Variants in ATG14 observed in about 807,000 individuals in gnomAD.
ATG14 encodes the protein beclin 1-associated autophagy-related key regulator.
ATG14 carries 35 observed loss-of-function variants against 60.4 expected under a neutral mutation model. That is an observed-to-expected ratio of 0.58 (90% confidence interval 0.44 to 0.77). The LOEUF (loss-of-function observed/expected upper bound fraction) is 0.77. ATG14 is among the 30% of genes least tolerant of loss of function. The pLI, the probability that ATG14 is intolerant of heterozygous loss-of-function variation, is 0.00. For missense variants in ATG14, 647 were observed against 626.3 expected (o/e 1.03, Z -0.35); for synonymous variants, 234 against 228.8 (o/e 1.02, Z -0.21).
intron 5 of ATG14, among the ~76,000 whole-genome samples, chr14:55,385,455 G>A (rs1012528296): frequency 1.3e-5 from 2 of 152,188 alleles, no homozygotes; most frequent in African/African-American, 4.8e-5. Context: ...ACCACGCCTG[G>A]CTAATTTTTG....
At chr14:55,372,134 A>AT (rs1566576715) in intron 9 of ATG14, among the ~76,000 whole-genome samples, 1 of 151,996 alleles carries the variant, frequency 6.6e-6, no homozygotes, top group Non-Finnish European at 1.5e-5. Flanking sequence ...CTCATCTCAC[A>AT]TATCTGAACC....
intron 6 of ATG14, among the ~76,000 whole-genome samples, chr14:55,380,905 G>T (rs1214270490): frequency 2.4e-4 from 30 of 126,032 alleles, no homozygotes; most frequent in Non-Finnish European, 4.3e-4. Context: ...TGAGAGCAAT[G>T]TAACAGAGCA....
chr14:55,376,351 G>A (rs1302922865), intron 9 of ATG14, among the ~76,000 whole-genome samples: 1 of 152,192 alleles, frequency 6.6e-6, no homozygotes, highest in African/African-American at 2.4e-5. Flanking sequence ...AGAGAGGATG[G>A]TGAGTAAACT....
chr14:55,388,624 G>A (rs1885163699), intron 4 of ATG14, among the ~76,000 whole-genome samples: 1 of 152,194 alleles, frequency 6.6e-6, no homozygotes, highest in African/African-American at 2.4e-5. Flanking sequence ...AGATTCTAGA[G>A]AAATAATTCA....
At position 55,368,617 on chromosome 14, in the gene ATG14, C is replaced by G. The variant is rs1884738785; in HGVS notation, c.*1002G>C. 6.6e-6 allele frequency: 1 copy of G among 152,204 alleles called. No individual in the cohort carries two copies. The highest frequency in any genetic ancestry group is 1.5e-5 in the Non-Finnish European group (1 of 68,060). 9.4% of individuals were successfully genotyped at this position (152,204 alleles called of 1,614,324 possible). A position where few individuals can be genotyped will look rare whatever the true frequency, so the allele number is the denominator to read the frequency against. On this transcript the variant is annotated 3_prime_UTR_variant, in exon 10 of 10. Coordinates refer to ENST00000247178, the MANE Select transcript of ATG14 (RefSeq NM_014924.5). Reference sequence around the variant, plus strand: ...GCATTTCTGAGCAAAGCTGTGTCCTCAGAGCAACAAAGAGTTCGGGGAAAC... The same window carrying G: ...GCATTTCTGAGCAAAGCTGTGTCCTGAGAGCAACAAAGAGTTCGGGGAAAC...
Position 55,382,039 on chromosome 14 carries a change from C to G in ATG14, c.800G>C (p.Trp267Ser), listed in dbSNP as rs1555341962. Residue 267 changes from tryptophan to serine, a missense_variant, in exon 6 of 10, where the codon TGG becomes TCG. Trp to Ser is a radical substitution (Grantham distance 177). Transcript: ENST00000247178. The stretch of plus-strand genomic sequence containing the variant: ...GTCCCCATTGTTAGGGAGGCTAATC[C>G]AAGGCCCTGTAATGCTAATGCTGGT... The part of the protein sequence containing the change: ...GDTSISITGP[W>S]ISLPNNGDYS... The G allele has an allele frequency of 2.5e-6, 4 of 1,614,034 alleles. No homozygotes were observed. Among genetic ancestry groups the G allele is most frequent in the Admixed American group, 1.7e-5 (1 of 59,996 alleles).
chr14:55,369,504 C>CACTT lies in ATG14; in HGVS notation c.*111_*114dup. 9.4e-7 allele frequency: 1 copy of CACTT among 1,062,038 alleles called. No homozygotes were observed. Among genetic ancestry groups the CACTT allele is most frequent in the Non-Finnish European group, 1.3e-6 (1 of 769,438 alleles). 65.8% of individuals were successfully genotyped at this position (1,062,038 alleles called of 1,614,324 possible). On this transcript the variant is annotated 3_prime_UTR_variant, in exon 10 of 10. Transcript: ENST00000247178. ...TGCTTAAAAAGACAAAACAAAACAA[C>CACTT]ACTTTAACCTCTTTGTTCCAGACAC...
chr14:55,372,928 G>T (rs1884850781), intron 9 of ATG14, among the ~76,000 whole-genome samples: 2 of 152,170 alleles, frequency 1.3e-5, no homozygotes, highest in African/African-American at 4.8e-5. Context: ...GCGACTGAAT[G>T]GAAGACTCCT....
intron 5 of ATG14, among the ~76,000 whole-genome samples, chr14:55,383,985 G>A (rs764109436): frequency 1.1e-4 from 16 of 152,140 alleles, no homozygotes; most frequent in Non-Finnish European, 1.6e-4. Context: ...CTTGGCCAGT[G>A]GTTCTTCGTA....
Position 55,369,738 on chromosome 14 carries a change from A to G in ATG14, c.1360T>C (p.Ser454Pro). Residue 454 changes from serine (S) to proline (P), a missense_variant, in exon 10 of 10, where the codon TCC becomes CCC. Physicochemically the swap from Ser to Pro is moderately conservative, Grantham distance 74. Transcript: ENST00000247178. ...CDIPSQSVEV[S>P]QSQSTQASPP... is the part of the protein sequence containing the mutation. ...GACGCCTGGGTGCTCTGACTCTGGG[A>G]GACTTCCACAGACTGGGAAGGGATA... 1.2e-6 allele frequency: 2 copies of G among 1,613,856 alleles called. No homozygotes were observed. The highest frequency in any genetic ancestry group is 1.7e-6 in the Non-Finnish European group (2 of 1,179,820).
rs757524294 is a variant in ATG14, at chr14:55,380,566, T to G, written c.995+7A>C. On this transcript the variant is annotated splice_region_variant and intron_variant, in intron 7 of 9. Coordinates refer to ENST00000247178, the MANE Select transcript of ATG14 (RefSeq NM_014924.5). ...TAAAGATGACATTACCACCTTCAAT[T>G]ACTTGCCTGTTGCAGAGCTTTTTGG... 1 of 1,565,784 alleles carries G rather than the reference T, an allele frequency of 6.4e-7. No individual in the cohort carries two copies. The highest frequency in any genetic ancestry group is 8.8e-7 in the Non-Finnish European group (1 of 1,139,422).
intron 9 of ATG14, among the ~76,000 whole-genome samples, chr14:55,372,613 C>T (rs1884844449): frequency 6.6e-6 from 1 of 151,882 alleles, no homozygotes; most frequent in African/African-American, 2.4e-5. Flanking sequence ...CTCCTTCCCT[C>T]CCTCCCTTCC....
Position 55,369,005 on chromosome 14 carries a change from GGAAA to G in ATG14, c.*610_*613del, listed in dbSNP as rs908300536. On this transcript the variant is annotated 3_prime_UTR_variant, in exon 10 of 10. Coordinates refer to ENST00000247178, the MANE Select transcript of ATG14 (RefSeq NM_014924.5). ...ACTTTCATTTTCTTTGGTGTGTGGG[GGAAA>G]GAAAAACAGGAATGTCTGACAAACT... The G allele has an allele frequency of 6.6e-6, 1 of 152,540 alleles. No homozygotes were observed. Among genetic ancestry groups the G allele is most frequent in the South Asian group, 2.1e-4 (1 of 4,800 alleles). The allele number at this position is 152,540 out of a possible 1,614,324, so 9.4% of individuals were successfully genotyped here.
intron 3 of ATG14, among the ~76,000 whole-genome samples, chr14:55,395,411 G>C (rs1885297619): frequency 6.6e-6 from 1 of 152,206 alleles, no homozygotes; most frequent in Non-Finnish European, 1.5e-5. Context: ...GGAGTGCTGT[G>C]GCACGATCTT....
At chr14:55,370,215 A>AT (rs1222175688) in intron 9 of ATG14, among the ~76,000 whole-genome samples, 5 of 152,192 alleles carry the variant, frequency 3.3e-5, no homozygotes, top group Non-Finnish European at 7.4e-5. Context: ...GAGATGGCCC[A>AT]TGCTGGTCCT....
intron 4 of ATG14, among the ~76,000 whole-genome samples, chr14:55,388,036 C>T (rs1885153555): frequency 6.6e-6 from 1 of 151,990 alleles, no homozygotes; most frequent in Non-Finnish European, 1.5e-5. Context: ...ACTTGGGAGG[C>T]TGAGGCAGGA....
intron 1 of ATG14, among the ~76,000 whole-genome samples, chr14:55,404,592 C>A (rs1050680609): frequency 1.2e-4 from 18 of 152,096 alleles, no homozygotes; most frequent in Non-Finnish European, 2.5e-4. Context: ...TATGACAGGC[C>A]TTGAAAATAT....
intron 9 of ATG14, among the ~76,000 whole-genome samples, chr14:55,376,339 A>G (rs1884919089): frequency 6.6e-6 from 1 of 152,238 alleles, no homozygotes; most frequent in Non-Finnish European, 1.5e-5. Flanking sequence ...CAGGTAAGGT[A>G]CAGAGAGGAT....
chr14:55,397,259 T>C (rs1253970447), intron 2 of ATG14, 113 bp downstream of exon 2: 1 of 908,220 alleles, frequency 1.1e-6, no homozygotes, highest in Admixed American at 2.0e-5. Context: ...TAAGAGGTTG[T>C]ATCCTAAATT....
Sources: allele counts gnomAD v4.1 joint callset (sites outside exome capture counted in the v4.1 genomes callset), GRCh38; gene constraint gnomAD v4.1.1; transcripts MANE v1.5; gene names NCBI Gene and HGNC (gene_info 2026-07-23, HGNC 2026-07-21).